Variants in IKZF1 observed in about 807,000 individuals in gnomAD.
IKZF1 encodes DNA-binding protein Ikaros.
IKZF1 carries 10 observed loss-of-function variants against 51.7 expected under a neutral mutation model. The observed-to-expected ratio is 0.19, with a 90% confidence interval of 0.12 to 0.33. The LOEUF is 0.33. Ranked by LOEUF, IKZF1 falls within the 10% of genes least tolerant of loss-of-function variation. IKZF1 has a pLI of 1.00. For synonymous variants in IKZF1, 280 were observed against 282.3 expected (o/e 0.99, Z 0.08); for missense variants, 484 against 707.5 (o/e 0.68, Z 3.58).
rs1794993779 is a variant in IKZF1, at chr7:50,326,289, A to AGGTTTGTC, written c.41-1348_41-1341dup. Among the ~76,000 whole-genome samples the AGGTTTGTC allele has an allele frequency of 3.3e-5, 5 of 152,336 alleles. No individual in the cohort carries two copies. The South Asian group carries it at 8.3e-4, about 25-fold the overall frequency. ...CATTTGCACACACTCTCAAAAATCT[A>AGGTTTGTC]GGTTTGTCTATGTGTTCATATCATT... On this transcript the variant is annotated intron_variant, in intron 2 of 7. Transcript: ENST00000331340.
intron 1 of IKZF1, among the ~76,000 whole-genome samples, chr7:50,309,495 G>A (rs1472818766): frequency 6.6e-6 from 1 of 152,014 alleles, no homozygotes; most frequent in African/African-American, 2.4e-5. Flanking sequence ...TAATTGGTGG[G>A]GGGTTTGCAC....
At chr7:50,348,477 C>G (rs1231368378) in intron 3 of IKZF1, among the ~76,000 whole-genome samples, 1 of 152,208 alleles carries the variant, frequency 6.6e-6, no homozygotes, top group Non-Finnish European at 1.5e-5. Flanking sequence ...TGAGGTAAAA[C>G]ACCTCCTTAA....
In IKZF1 at chr7:50,331,516, AC is replaced by A. The variant is rs1168323867; in HGVS notation, c.160+3760del. 5.6e-3 allele frequency among the ~76,000 whole-genome samples: 846 copies of A among 152,302 alleles called. 1 individual carries two copies. Among genetic ancestry groups the A allele is most frequent in the Middle Eastern group, 0.01 (3 of 294 alleles). ...TCTGCTTTAGAAAGTGACAAGGAAC[AC>A]TTTTGGAAAGCTGTGAGCTGTTATG... On this transcript the variant is annotated intron_variant, in intron 3 of 7. Coordinates refer to ENST00000331340, the MANE Select transcript of IKZF1 (RefSeq NM_006060.6).
At chr7:50,365,700 T>C (rs1806695447) in intron 3 of IKZF1, among the ~76,000 whole-genome samples, 1 of 152,200 alleles carries the variant, frequency 6.6e-6, no homozygotes, top group Non-Finnish European at 1.5e-5. Flanking sequence ...GTAAATTAGT[T>C]CAACCATGTG....
chr7:50,353,030 TC>T (rs1802261958), intron 3 of IKZF1, among the ~76,000 whole-genome samples: 1 of 152,228 alleles, frequency 6.6e-6, no homozygotes, highest in Non-Finnish European at 1.5e-5. Context: ...ACGCCTCTTT[TC>T]CCCTGCTTAC....
At position 50,361,884 on chromosome 7, in the gene IKZF1, A is replaced by T. The variant is rs143873734; in HGVS notation, c.161-14649A>T. 8.4e-4 allele frequency among the ~76,000 whole-genome samples: 128 copies of T among 152,294 alleles called. 3 individuals are homozygous for T. The East Asian group carries it at 0.023, about 27-fold the overall frequency. On this transcript the variant is annotated intron_variant, in intron 3 of 7. Transcript: ENST00000331340. The stretch of plus-strand genomic sequence containing the variant: ...AGCAAGACTCCATCTCAAAAAAGAA[A>T]AAAAAAGCTAATCCCATAAAAGAAC...
At chr7:50,375,368 T>G (rs1809932913) in intron 3 of IKZF1, among the ~76,000 whole-genome samples, 1 of 152,170 alleles carries the variant, frequency 6.6e-6, no homozygotes, top group South Asian at 2.1e-4. Context: ...AGCAAGACCC[T>G]GTCTCAAAAA....
chr7:50,320,604 C>G (rs1384322042), intron 2 of IKZF1, among the ~76,000 whole-genome samples: 1 of 152,206 alleles, frequency 6.6e-6, no homozygotes, highest in African/African-American at 2.4e-5. Flanking sequence ...TTTCCAGCCT[C>G]TATTAGCCTC....
chr7:50,383,965 G>T (rs1404513760), intron 5 of IKZF1, among the ~76,000 whole-genome samples: 5 of 152,370 alleles, frequency 3.3e-5, no homozygotes, highest in African/African-American at 1.2e-4. Flanking sequence ...TGCCCATTCT[G>T]CACAGAAGAC....
chr7:50,373,313 G>A (rs1486455928), intron 3 of IKZF1, among the ~76,000 whole-genome samples: 1 of 152,200 alleles, frequency 6.6e-6, no homozygotes, highest in African/African-American at 2.4e-5. Flanking sequence ...ACGCCATAGA[G>A]CATGCCAAAG....
chr7:50,382,983 T>G (rs572327746), intron 5 of IKZF1, among the ~76,000 whole-genome samples: 16 of 152,276 alleles, frequency 1.1e-4, no homozygotes, highest in Non-Finnish European at 1.5e-4. Context: ...AGAACAGGCC[T>G]CCTCATCCCG....
At chr7:50,348,466 T>C (rs1800951424) in intron 3 of IKZF1, among the ~76,000 whole-genome samples, 1 of 152,350 alleles carries the variant, frequency 6.6e-6, no homozygotes, top group South Asian at 2.1e-4. Context: ...GGGACATTCT[T>C]TGAGGTAAAA....
intron 5 of IKZF1, among the ~76,000 whole-genome samples, chr7:50,385,549 A>G (rs917536717): frequency 6.6e-6 from 1 of 152,206 alleles, no homozygotes; most frequent in Non-Finnish European, 1.5e-5. Context: ...GCAAGCTTAG[A>G]ATTTCTTTCC....
intron 4 of IKZF1, among the ~76,000 whole-genome samples, chr7:50,378,160 G>A (rs1035970190): frequency 5.9e-5 from 9 of 152,154 alleles, no homozygotes; most frequent in African/African-American, 2.2e-4. Context: ...GAATCGGGCG[G>A]TTTTCAAAAT....
intron 1 of IKZF1, among the ~76,000 whole-genome samples, chr7:50,314,141 C>T (rs1344746401): frequency 1.3e-5 from 2 of 152,000 alleles, no homozygotes; most frequent in Admixed American, 6.5e-5. Context: ...TTTTTCATCT[C>T]GCTCTGTCGC....
chr7:50,379,373 G>C (rs143307085), intron 4 of IKZF1, among the ~76,000 whole-genome samples: 2 of 152,212 alleles, frequency 1.3e-5, no homozygotes, highest in Non-Finnish European at 2.9e-5. Context: ...ATTCAGGGGC[G>C]GTCTCGCCTC....
Position 50,402,732 on chromosome 7 carries a change from A to T in IKZF1, c.*2105A>T, listed in dbSNP as rs950537321. ...GAGTTTTGTTGAAAAGATGGAGTTTACAAAGATACCATTCTTGAGTCATGG... is the reference window on the plus strand; with the variant it reads ...GAGTTTTGTTGAAAAGATGGAGTTTTCAAAGATACCATTCTTGAGTCATGG... On this transcript the variant is annotated 3_prime_UTR_variant, in exon 8 of 8. Transcript: ENST00000331340. The T allele has an allele frequency of 4.3e-6, 1 of 230,036 alleles. No individual in the cohort carries two copies. The highest frequency in any genetic ancestry group is 6.1e-5 in the East Asian group (1 of 16,298). 14.2% of individuals were successfully genotyped at this position (230,036 alleles called of 1,614,324 possible). A position where few individuals can be genotyped will look rare whatever the true frequency, so the allele number is the denominator to read the frequency against.
intron 3 of IKZF1, among the ~76,000 whole-genome samples, chr7:50,358,894 G>A (rs928552482): frequency 4.6e-5 from 7 of 151,952 alleles, no homozygotes; most frequent in East Asian, 1.9e-4. Context: ...TACATGAAAC[G>A]TTAAACGGCT....
rs569768259 is a variant in IKZF1 at position 50,324,883 on chromosome 7, C to T, written c.41-2755C>T. On this transcript the variant is annotated intron_variant, in intron 2 of 7. Transcript: ENST00000331340. ...ATGATCCTCACTTGGTTCCAGGGCC[C>T]CATGCATCTAAGGGTGTCTCAGAGC... Among the ~76,000 whole-genome samples the T allele has an allele frequency of 2.0e-5, 3 of 152,212 alleles. No individual in the cohort carries two copies. In the East Asian group the frequency reaches 5.8e-4, roughly 29 times the overall value.
Sources: gnomAD v4.1 joint callset for allele counts (sites outside exome capture counted in the v4.1 genomes callset) on GRCh38, gnomAD v4.1.1 for gene constraint, MANE v1.5 for transcripts, NCBI Gene and HGNC (gene_info 2026-07-23, HGNC 2026-07-21) for gene names.